The following STX8 variants were observed in gnomAD, a reference collection of about 807,000 sequenced individuals.
STX8 encodes syntaxin 8, also known as syntaxin-8.
Under a neutral mutation model 37.5 loss-of-function variants are expected in STX8, and 23 were observed. The ratio of observed to expected loss-of-function variants is 0.61; its 90% CI spans 0.44 to 0.87. The LOEUF (loss-of-function observed/expected upper bound fraction) is 0.87. STX8 is among the 40% of genes least tolerant of loss of function. STX8 has a pLI of 0.00. For missense variants in STX8, 313 were observed against 284.7 expected (o/e 1.10, Z -0.71); for synonymous variants, 115 against 99.1 (o/e 1.16, Z -0.95).
intron 7 of STX8, among the ~76,000 whole-genome samples, chr17:9,353,448 G>A (rs1910775198): frequency 6.6e-6 from 1 of 152,102 alleles, no homozygotes. Flanking sequence ...TGCTTTCAGT[G>A]GTTAAAGTGG....
Position 9,272,928 on chromosome 17 carries a change from G to A in STX8, c.644-22283C>T, listed in dbSNP as rs562434774. ...CATTCCTTGTTCTCTTTCTAAGAAC[G>A]CAATAAACATTTCAGCACAATCTTT... is the stretch of plus-strand genomic sequence containing the variant. On this transcript the variant is annotated intron_variant, in intron 7 of 7. Transcript: ENST00000306357. Among the ~76,000 whole-genome samples the A allele has an allele frequency of 9.5e-4, 144 of 152,236 alleles. 1 individual carries two copies. The South Asian group carries it at 0.026, about 28-fold the overall frequency.
intron 3 of STX8, among the ~76,000 whole-genome samples, chr17:9,547,768 TTTTC>T (rs1906600137): frequency 7.8e-6 from 1 of 128,994 alleles, no homozygotes. Context: ...CATTCTTTCC[TTTTC>T]TTTTCTTTTC....
chr17:9,345,706 T>C (rs932350686), intron 7 of STX8, among the ~76,000 whole-genome samples: 1 of 122,108 alleles, frequency 8.2e-6, no homozygotes, highest in African/African-American at 2.8e-5. Flanking sequence ...TTTTTTTTTT[T>C]TGTAGTGACA....
At position 9,342,751 on chromosome 17, in the gene STX8, G is replaced by C. The variant is rs1329890244; in HGVS notation, c.643+35801C>G. ...GATAAAAGTGCAAATGGCCGGGCGC[G>C]GTGGCTCACGCCTGTAATCCCAGCA... On this transcript the variant is annotated intron_variant, in intron 7 of 7. Coordinates refer to ENST00000306357, the MANE Select transcript of STX8 (RefSeq NM_004853.3). Among the ~76,000 whole-genome samples the C allele has an allele frequency of 2.0e-5, 3 of 152,144 alleles. No homozygotes were observed. In the East Asian group the frequency reaches 5.8e-4, roughly 29 times the overall value.
chr17:9,250,496 G>A lies in STX8; in HGVS notation c.*82C>T, dbSNP rs1278213926. 6 of 1,259,976 alleles carry A rather than the reference G, an allele frequency of 4.8e-6. No homozygotes were observed. The highest frequency in any genetic ancestry group is 1.5e-5 in the African/African-American group (1 of 67,246). 78.0% of individuals were successfully genotyped at this position (1,259,976 alleles called of 1,614,324 possible). A position where few individuals can be genotyped will look rare whatever the true frequency, so the allele number is the denominator to read the frequency against. Reference sequence around the variant, plus strand: ...TCAGAGCTTTGGGGGAATTTATTGAGAGCAGGTTTTGCGTACCAAAAGGGT... The same window carrying A: ...TCAGAGCTTTGGGGGAATTTATTGAAAGCAGGTTTTGCGTACCAAAAGGGT... On this transcript the variant is annotated 3_prime_UTR_variant, in exon 8 of 8. Transcript: ENST00000306357.
At chr17:9,380,362 C>T (rs1218966832) in intron 6 of STX8, among the ~76,000 whole-genome samples, 2 of 151,126 alleles carry the variant, frequency 1.3e-5, no homozygotes, top group Middle Eastern at 6.8e-3. Context: ...TAGCAATCCT[C>T]CCATCTCAAC....
chr17:9,292,922 C>T lies in STX8; in HGVS notation c.644-42277G>A, dbSNP rs193098224. Among the ~76,000 whole-genome samples, 3 of 152,286 alleles carry T rather than the reference C, an allele frequency of 2.0e-5. No individual in the cohort carries two copies. In the East Asian group the frequency reaches 5.8e-4, roughly 29 times the overall value. On this transcript the variant is annotated intron_variant, in intron 7 of 7. Coordinates refer to ENST00000306357, the MANE Select transcript of STX8 (RefSeq NM_004853.3). ...TCCAAACACAAGGCCTTACACCCAA[C>T]CAGCAAGCAACTCTAGGAAGATTAT...
intron 7 of STX8, among the ~76,000 whole-genome samples, chr17:9,298,874 A>T (rs1223623876): frequency 6.6e-6 from 1 of 152,162 alleles, no homozygotes; most frequent in Non-Finnish European, 1.5e-5. Context: ...CTGTCCTTGC[A>T]AGCATTCCTT....
intron 7 of STX8, among the ~76,000 whole-genome samples, chr17:9,263,088 CT>C (rs1194147791): frequency 2.0e-5 from 3 of 152,234 alleles, no homozygotes; most frequent in Non-Finnish European, 4.4e-5. Context: ...TGGGTTGCAT[CT>C]CCTTACTCTG....
chr17:9,521,149 C>T (rs1463421754), intron 4 of STX8, among the ~76,000 whole-genome samples: 1 of 152,100 alleles, frequency 6.6e-6, no homozygotes, highest in African/African-American at 2.4e-5. Flanking sequence ...TCTTTAGAGA[C>T]GAAGTCTGGC....
chr17:9,522,876 G>A (rs1597722891), intron 4 of STX8, among the ~76,000 whole-genome samples: 1 of 152,084 alleles, frequency 6.6e-6, no homozygotes, highest in Non-Finnish European at 1.5e-5. Flanking sequence ...GGTGAATACA[G>A]CAAATGATAA....
At chr17:9,493,642 G>T (rs1192955230) in intron 5 of STX8, among the ~76,000 whole-genome samples, 6 of 152,162 alleles carry the variant, frequency 3.9e-5, no homozygotes, top group African/African-American at 1.4e-4. Context: ...TAGCCCTAGG[G>T]GCGTGGGCTC....
intron 7 of STX8, among the ~76,000 whole-genome samples, chr17:9,260,791 T>TC (rs1444872075): frequency 6.6e-6 from 1 of 152,024 alleles, no homozygotes; most frequent in Non-Finnish European, 1.5e-5. Flanking sequence ...CTCAGCCCTC[T>TC]CCCCAGAAGG....
Position 9,382,561 on chromosome 17 carries a change from C to G in STX8, c.542-3908G>C, listed in dbSNP as rs181816343. 4.1e-3 allele frequency among the ~76,000 whole-genome samples: 630 copies of G among 152,212 alleles called. 7 individuals are homozygous for G. The highest frequency in any genetic ancestry group is 4.9e-3 in the Non-Finnish European group (332 of 68,030). ...CTCGTCATTTACATTAGGTATTTCT[C>G]CTAATGCTATCCCTCCCCCAGCAAG... On this transcript the variant is annotated intron_variant, in intron 6 of 7. Transcript: ENST00000306357.
intron 4 of STX8, among the ~76,000 whole-genome samples, chr17:9,512,468 T>C (rs1312837859): frequency 6.9e-6 from 1 of 144,198 alleles, no homozygotes; most frequent in Non-Finnish European, 1.5e-5. Flanking sequence ...CAACTGATCT[T>C]TTTTTTTTTT....
chr17:9,567,463 A>G (rs1042961838), intron 2 of STX8, among the ~76,000 whole-genome samples: 27 of 152,232 alleles, frequency 1.8e-4, no homozygotes, highest in African/African-American at 6.5e-4. Context: ...CCAAATGAGT[A>G]AAAACATACT....
chr17:9,487,851 T>C (rs6503208), intron 6 of STX8, among the ~76,000 whole-genome samples: 35,858 of 152,124 alleles, frequency 0.24, 4,446 homozygotes, highest in South Asian at 0.3. Context: ...TGTGGGGGAT[T>C]TAGACCTGTA....
At chr17:9,413,773 A>G (rs1238652908) in intron 6 of STX8, among the ~76,000 whole-genome samples, 1 of 152,186 alleles carries the variant, frequency 6.6e-6, no homozygotes, top group East Asian at 1.9e-4. Flanking sequence ...TGAGAAGCTG[A>G]CTGCCAACAC....
At chr17:9,350,140 C>T (rs1337899189) in intron 7 of STX8, among the ~76,000 whole-genome samples, 1 of 151,356 alleles carries the variant, frequency 6.6e-6, no homozygotes, top group Non-Finnish European at 1.5e-5. Context: ...TGATGATGGC[C>T]ATAGCTGGAT....
Sources: allele counts gnomAD v4.1 joint callset (sites outside exome capture counted in the v4.1 genomes callset), GRCh38; gene constraint gnomAD v4.1.1; transcripts MANE v1.5; gene names NCBI Gene and HGNC (gene_info 2026-07-23, HGNC 2026-07-21).